KANSL3: variants seen among roughly 807,000 people sequenced by gnomAD.
The protein encoded by KANSL3 is KAT8 regulatory NSL complex subunit 3, also known as NSL complex protein NSL3.
A neutral mutation model predicts 89.2 loss-of-function variants in KANSL3; 16 were observed. The ratio of observed to expected loss-of-function variants is 0.18; its 90% CI spans 0.12 to 0.27. KANSL3 has a LOEUF of 0.27. Ranked by LOEUF, KANSL3 falls within the 10% of genes least tolerant of loss-of-function variation. The probability of loss-of-function intolerance (pLI) is 1.00; values close to 1 mark genes in which losing one functional copy is unlikely to be tolerated. For synonymous variants in KANSL3, 385 were observed against 419.7 expected, an observed-to-expected ratio of 0.92 and a Z score of 1.01; for missense variants, 879 against 1,110.6, an observed-to-expected ratio of 0.79 and a Z score of 2.96.
intron 20 of KANSL3, 122 bp downstream of exon 20, chr2:96,601,521 T>G: frequency 7.0e-7 from 1 of 1,422,442 alleles, no homozygotes; most frequent in Admixed American, 2.9e-5. Context: ...GAATACAGAT[T>G]TGAATTTGAA....
intron 3 of KANSL3, among the ~76,000 whole-genome samples, chr2:96,620,717 T>C (rs1009909164): frequency 5.9e-5 from 9 of 152,102 alleles, no homozygotes; most frequent in African/African-American, 2.2e-4. Flanking sequence ...AAAAAGCTGA[T>C]GGTGGCCAGG....
chr2:96,582,664 CAATT>C, the KANSL3 span, among the ~76,000 whole-genome samples: 1 of 152,200 alleles, frequency 6.6e-6, no homozygotes, highest in Admixed American at 6.5e-5. Context: ...GGGTCAGTCT[CAATT>C]GATTGCCTTT....
At chr2:96,620,604 T>C (rs1185635012) in intron 3 of KANSL3, among the ~76,000 whole-genome samples, 1 of 152,112 alleles carries the variant, frequency 6.6e-6, no homozygotes, top group Non-Finnish European at 1.5e-5. Context: ...TCTTAATTAC[T>C]CAGATGCTCT....
chr2:96,608,797 G>A (rs2068395765), intron 13 of KANSL3, 67 bp downstream of exon 13: 4 of 1,514,866 alleles, frequency 2.6e-6, no homozygotes, highest in East Asian at 4.7e-5. Flanking sequence ...GCATCCCCAG[G>A]AAATTAAGGA....
intron 3 of KANSL3, among the ~76,000 whole-genome samples, chr2:96,629,128 T>C (rs995041059): frequency 7.9e-5 from 12 of 152,200 alleles, no homozygotes; most frequent in East Asian, 1.9e-4. Flanking sequence ...TGAAGAGACA[T>C]TGATACAATG....
In KANSL3 at chr2:96,593,657, T is replaced by C. The variant is rs2066357200; in HGVS notation, c.*1954A>G. 1 of 212,404 alleles carries C rather than the reference T, an allele frequency of 4.7e-6. No homozygotes were observed. The highest frequency in any genetic ancestry group is 9.7e-6 in the Non-Finnish European group (1 of 102,808). 13.2% of individuals were successfully genotyped at this position (212,404 alleles called of 1,614,324 possible). ...CTTGTAAGCACACTAGAATTTATCA[T>C]AAAGGCAGGTCGGCTTGTTAGTTTT... On this transcript the variant is annotated 3_prime_UTR_variant, in exon 21 of 21. Transcript: ENST00000431828.
chr2:96,583,282 G>A, the KANSL3 span, among the ~76,000 whole-genome samples: 1 of 152,136 alleles, frequency 6.6e-6, no homozygotes, highest in African/African-American at 2.4e-5. Context: ...GCATGGAATG[G>A]TCTGGTAGGA....
chr2:96,609,763 T>C (rs144660686), intron 11 of KANSL3, among the ~76,000 whole-genome samples: 1 of 150,650 alleles, frequency 6.6e-6, no homozygotes, highest in Non-Finnish European at 1.5e-5. Context: ...ATTCATGGAG[T>C]TGTGGGGATT....
At chr2:96,633,529 A>G (rs1382745561) in intron 2 of KANSL3, among the ~76,000 whole-genome samples, 1 of 151,408 alleles carries the variant, frequency 6.6e-6, no homozygotes, top group Non-Finnish European at 1.5e-5. Flanking sequence ...AGATCACACC[A>G]CTGCACCCCA....
At chr2:96,601,620 T>C (rs748530835) in intron 20 of KANSL3, 23 bp downstream of exon 20, 3 of 1,611,530 alleles carry the variant, frequency 1.9e-6, no homozygotes, top group Non-Finnish European at 2.5e-6. Flanking sequence ...GCCCATGTCC[T>C]CAGTCCTTCC....
intron 3 of KANSL3, chr2:96,628,155 A>G (rs2106067554): frequency 3.9e-6 from 5 of 1,289,480 alleles, no homozygotes; most frequent in Non-Finnish European, 5.1e-6. Context: ...GAAGGTGCAC[A>G]CTGGCCTATT....
chr2:96,601,774 A>C lies in KANSL3; in HGVS notation c.2485T>G (p.Leu829Val), dbSNP rs749938252. The C allele has an allele frequency of 1.9e-6, 3 of 1,560,668 alleles. No individual in the cohort carries two copies. The change falls in exon 20 of 21, where the codon TTG becomes GTG. Residue 829 changes from leucine (L) to valine (V), a missense_variant and splice_region_variant. Physicochemically the swap from Leu to Val is conservative, Grantham distance 32. Around this residue, in one of 6 missense-constraint regions of KANSL3, gnomAD observed 89 missense variants for 139.7 expected, o/e 0.64. Coordinates refer to ENST00000431828, the MANE Select transcript of KANSL3 (RefSeq NM_001115016.3). Reference protein sequence around the residue: ...LAQISNQASGLKVPTTITLTL... With the variant: ...LAQISNQASGVKVPTTITLTL... ...AGAGTAATGGTGGTGGGGACCTTCA[A>C]GCCTGAGATAAAGAGAGAGAAGCAG... is the stretch of plus-strand genomic sequence containing the variant.
At chr2:96,633,401 C>A (rs1358427460) in intron 2 of KANSL3, among the ~76,000 whole-genome samples, 1 of 152,034 alleles carries the variant, frequency 6.6e-6, no homozygotes, top group East Asian at 1.9e-4. Context: ...AAAACCCCAT[C>A]TCTACTTAAA....
intron 20 of KANSL3, chr2:96,600,971 ATC>A (rs1340298140): frequency 3.8e-6 from 3 of 797,544 alleles, no homozygotes; most frequent in East Asian, 1.3e-4. Flanking sequence ...ATAGTGAGAT[ATC>A]TCTGTCTCCA....
Position 96,602,609 on chromosome 2 carries a change from C to G in KANSL3, c.2259+144G>C, listed in dbSNP as rs146461609. 1,581 of 691,034 alleles carry G rather than the reference C, an allele frequency of 2.3e-3. 5 individuals are homozygous for G. Among genetic ancestry groups the G allele is most frequent in the Non-Finnish European group, 3.0e-3 (1,237 of 416,074 alleles). 42.8% of individuals were successfully genotyped at this position (691,034 alleles called of 1,614,324 possible). On this transcript the variant is annotated intron_variant, in intron 18 of 20. Transcript: ENST00000431828. ...TCACACAGTAAATGATAGACCTTAA[C>G]TTTTGTAAGTTCCCTGCTATGTAGC...
the KANSL3 span, among the ~76,000 whole-genome samples, chr2:96,581,887 T>A: frequency 6.6e-6 from 1 of 152,214 alleles, no homozygotes; most frequent in African/African-American, 2.4e-5. Context: ...TTAACTGAGA[T>A]TCTTGAACCT....
intron 3 of KANSL3, among the ~76,000 whole-genome samples, chr2:96,625,135 AG>A (rs998418491): frequency 5.9e-5 from 9 of 152,266 alleles, no homozygotes; most frequent in Admixed American, 3.3e-4. Flanking sequence ...GCCTGAACCC[AG>A]GAGGCAGAGG....
chr2:96,603,305 G>A (rs760616806), intron 17 of KANSL3: 7 of 154,948 alleles, frequency 4.5e-5, no homozygotes, highest in African/African-American at 7.3e-5. Flanking sequence ...TTTTTGAGAC[G>A]GAGTTTCGCT....
chr2:96,633,362 G>A (rs1573655805), intron 2 of KANSL3, among the ~76,000 whole-genome samples: 1 of 152,106 alleles, frequency 6.6e-6, no homozygotes, highest in Non-Finnish European at 1.5e-5. Flanking sequence ...CTTAGGTCAC[G>A]AGTTCGAGAC....
Sources: allele counts gnomAD v4.1 joint callset (sites outside exome capture counted in the v4.1 genomes callset), GRCh38; gene constraint gnomAD v4.1.1; regional missense constraint gnomAD v4.1.1; transcripts MANE v1.5; gene names NCBI Gene and HGNC (gene_info 2026-07-23, HGNC 2026-07-21).